Variants in AREL1 observed in about 807,000 individuals in gnomAD.
AREL1 encodes the protein apoptosis resistant E3 ubiquitin protein ligase 1.
AREL1 carries 62 observed loss-of-function variants against 99.0 expected under a neutral mutation model. The ratio of observed to expected loss-of-function variants is 0.63; its 90% CI spans 0.51 to 0.77. The LOEUF is 0.77. AREL1 is among the 30% of genes least tolerant of loss of function. The pLI is 0.00. For synonymous variants in AREL1, 380 were observed against 376.5 expected, an observed-to-expected ratio of 1.01 and a Z score of -0.11; for missense variants, 879 against 1,027.6, an observed-to-expected ratio of 0.86 and a Z score of 1.98.
intron 12 of AREL1, 144 bp downstream of exon 12, chr14:74,671,264 T>C (rs2089332605): frequency 1.9e-6 from 1 of 518,852 alleles, no homozygotes; most frequent in Non-Finnish European, 3.3e-6. Context: ...CCCTTTTCCT[T>C]GGGGAAAAAA....
intron 1 of AREL1, among the ~76,000 whole-genome samples, chr14:74,696,782 T>C (rs1182606696): frequency 6.6e-6 from 1 of 152,070 alleles, no homozygotes; most frequent in African/African-American, 2.4e-5. Flanking sequence ...CTGGCCAACA[T>C]GGCAAAACCC....
intron 1 of AREL1, among the ~76,000 whole-genome samples, chr14:74,697,317 C>T (rs1236042743): frequency 4.6e-5 from 7 of 152,186 alleles, no homozygotes; most frequent in Non-Finnish European, 8.8e-5. Flanking sequence ...TTGTAAGATG[C>T]AATCTCCAGC....
chr14:74,667,620 A>G, intron 15 of AREL1, 26 bp from the exon 16 acceptor site: 1 of 1,580,486 alleles, frequency 6.3e-7, no homozygotes, highest in Non-Finnish European at 8.6e-7. Flanking sequence ...AAAGACAGAC[A>G]AGGGAGAGGC....
chr14:74,672,000 A>G, intron 11 of AREL1: 1 of 455,668 alleles, frequency 2.2e-6, no homozygotes, highest in Non-Finnish European at 4.4e-6. Flanking sequence ...CTTTCTGGAC[A>G]GGAACCAAGC....
At chr14:74,707,428 C>G (rs893480295) in intron 1 of AREL1, among the ~76,000 whole-genome samples, 1 of 151,174 alleles carries the variant, frequency 6.6e-6, no homozygotes. Flanking sequence ...TTTGGGAGGC[C>G]AAGGTGGGCG....
rs372732998 is a variant in AREL1, at chr14:74,710,478, TC to T, written c.-334+2454del. On this transcript the variant is annotated intron_variant, in intron 1 of 19. Transcript: ENST00000356357. ...ATTACTATTTAATGATATGCAATTT[TC>T]CCTCTGAACCTATATATAATACTAA... Among the ~76,000 whole-genome samples the T allele has an allele frequency of 5.4e-4, 83 of 152,300 alleles. No individual in the cohort carries two copies. The East Asian group carries it at 0.015, about 28-fold the overall frequency.
intron 18 of AREL1, 44 bp downstream of exon 18, chr14:74,664,792 A>G: frequency 1.3e-6 from 2 of 1,575,416 alleles, no homozygotes; most frequent in South Asian, 1.1e-5. Context: ...CTTTTTCCTT[A>G]TAACATGGCA....
rs752682337 is a variant in AREL1, at chr14:74,683,327, T to G, written c.450A>C (p.Ala150=). ...ITVKLGGLNV[A]YSPYYKIFQP... Reference sequence around the variant, plus strand: ...GAAAAATTTTGTAGTAGGGACTATATGCCACATTTAATCCACCAAGCTTCA... The same window carrying G: ...GAAAAATTTTGTAGTAGGGACTATAGGCCACATTTAATCCACCAAGCTTCA... The change falls in exon 5 of 20, where the codon GCA becomes GCC. Residue 150 remains alanine, a synonymous_variant. Transcript: ENST00000356357. 1.6e-5 allele frequency: 26 copies of G among 1,614,008 alleles called. No homozygotes were observed. Among genetic ancestry groups the G allele is most frequent in the Admixed American group, 5.0e-5 (3 of 60,000 alleles).
At chr14:74,686,074 A>C (rs763428431) in intron 2 of AREL1, among the ~76,000 whole-genome samples, 1 of 152,202 alleles carries the variant, frequency 6.6e-6, no homozygotes, top group Non-Finnish European at 1.5e-5. Flanking sequence ...TAATTCAGCT[A>C]AGTAGAAATA....
chr14:74,686,325 G>C (rs2089748192), intron 2 of AREL1, among the ~76,000 whole-genome samples: 1 of 152,164 alleles, frequency 6.6e-6, no homozygotes, highest in Non-Finnish European at 1.5e-5. Context: ...TGCCTGTCAA[G>C]GTAGGAGTCT....
At chr14:74,686,992 C>A (rs368083512) in intron 2 of AREL1, among the ~76,000 whole-genome samples, 2 of 152,208 alleles carry the variant, frequency 1.3e-5, no homozygotes, top group South Asian at 2.1e-4. Flanking sequence ...GGGGACCCAA[C>A]AGCTATCATC....
intron 1 of AREL1, among the ~76,000 whole-genome samples, chr14:74,707,476 A>G (rs959156344): frequency 7.0e-6 from 1 of 143,514 alleles, no homozygotes; most frequent in African/African-American, 2.6e-5. Context: ...CCCTGGCTAA[A>G]ATGGTGAAAT....
intron 4 of AREL1, among the ~76,000 whole-genome samples, chr14:74,684,057 C>T (rs751455935): frequency 3.9e-5 from 6 of 151,972 alleles, no homozygotes; most frequent in East Asian, 1.9e-4. Context: ...CTTTGTGGAC[C>T]GTACACAACT....
Position 74,692,037 on chromosome 14 carries a change from T to C in AREL1, c.-46+4A>G, listed in dbSNP as rs1451875287. The C allele has an allele frequency of 5.3e-6, 2 of 379,802 alleles. No individual in the cohort carries two copies. Among genetic ancestry groups the C allele is most frequent in the Non-Finnish European group, 1.0e-5 (2 of 198,556 alleles). 23.5% of individuals were successfully genotyped at this position (379,802 alleles called of 1,614,324 possible). On this transcript the variant is annotated splice_donor_region_variant and intron_variant, in intron 2 of 19. Coordinates refer to ENST00000356357, the MANE Select transcript of AREL1 (RefSeq NM_001039479.2). ...CTAAAGCTTAACTCAGTCTGTTACC[T>C]TACCTTTAAACGAGGGCCCATGTTC...
chr14:74,672,702 C>T (rs1212021540), intron 11 of AREL1, 129 bp downstream of exon 11: 6 of 1,334,676 alleles, frequency 4.5e-6, no homozygotes, highest in Non-Finnish European at 6.2e-6. Context: ...ACCTCTGCAC[C>T]CCAGCCTGGG....
At chr14:74,708,032 A>G (rs906161210) in intron 1 of AREL1, among the ~76,000 whole-genome samples, 1 of 152,142 alleles carries the variant, frequency 6.6e-6, no homozygotes, top group East Asian at 1.9e-4. Flanking sequence ...TTGGGTATAG[A>G]AAAAGGAAAT....
rs1239862990 is a variant in AREL1, at chr14:74,663,252, A to C, written c.*468T>G. ...CCCTCTCTCCTGGCTCCTGATGAGA[A>C]GAGGCAATCACCCCACCCATGAGAA... On this transcript the variant is annotated 3_prime_UTR_variant, in exon 20 of 20. Transcript: ENST00000356357. 7 of 218,762 alleles carry C rather than the reference A, an allele frequency of 3.2e-5. No individual in the cohort carries two copies. Among genetic ancestry groups the C allele is most frequent in the Non-Finnish European group, 6.5e-5 (7 of 107,078 alleles). The allele number at this position is 218,762 out of a possible 1,614,324, so 13.6% of individuals were successfully genotyped here. A position where few individuals can be genotyped will look rare whatever the true frequency, so the allele number is the denominator to read the frequency against.
chr14:74,685,212 C>T (rs897064157), intron 3 of AREL1, among the ~76,000 whole-genome samples: 1 of 152,198 alleles, frequency 6.6e-6, no homozygotes, highest in Non-Finnish European at 1.5e-5. Context: ...CCTCCCCTCC[C>T]TTGTGTACTT....
chr14:74,671,513 C>A, intron 11 of AREL1, 30 bp from the exon 12 acceptor site: 1 of 1,476,132 alleles, frequency 6.8e-7, no homozygotes, highest in South Asian at 1.2e-5. Context: ...AGGGAATTGT[C>A]AGAACACTGG....
Sources: allele counts gnomAD v4.1 joint callset (sites outside exome capture counted in the v4.1 genomes callset), GRCh38; gene constraint gnomAD v4.1.1; transcripts MANE v1.5; gene names NCBI Gene and HGNC (gene_info 2026-07-23, HGNC 2026-07-21).